Variants in SLIT3 observed in about 807,000 individuals in gnomAD.
The protein encoded by SLIT3 is slit guidance ligand 3, also known as slit homolog 3 protein.
Under a neutral mutation model 184.0 loss-of-function variants are expected in SLIT3, and 68 were observed. The observed-to-expected ratio is 0.37, with a 90% CI of 0.30 to 0.45. SLIT3 has a LOEUF of 0.45. Ranked by LOEUF, SLIT3 falls within the 20% of genes least tolerant of loss-of-function variation. The pLI is 1.00. For synonymous variants in SLIT3, 831 were observed against 828.6 expected (o/e 1.00, Z -0.05); for missense variants, 1,707 against 2,026.0 (o/e 0.84, Z 3.02).
intron 4 of SLIT3, among the ~76,000 whole-genome samples, chr5:168,988,782 C>G (rs113348765): frequency 3.3e-5 from 5 of 152,128 alleles, no homozygotes; most frequent in African/African-American, 1.2e-4. Context: ...GACCCCCCCC[C>G]AGGGGCAGGC....
chr5:169,079,076 A>T (rs1157788404), intron 4 of SLIT3, among the ~76,000 whole-genome samples: 1 of 152,210 alleles, frequency 6.6e-6, no homozygotes, highest in Non-Finnish European at 1.5e-5. Flanking sequence ...GAAAGAAGAG[A>T]AGGCGAGACA....
intron 8 of SLIT3, among the ~76,000 whole-genome samples, chr5:168,806,928 A>T (rs1756986113): frequency 6.6e-6 from 1 of 152,176 alleles, no homozygotes; most frequent in South Asian, 2.1e-4. Context: ...CTTTCCCAGG[A>T]TGCATCCTGG....
At chr5:168,873,110 C>T (rs1405153291) in intron 5 of SLIT3, among the ~76,000 whole-genome samples, 1 of 152,168 alleles carries the variant, frequency 6.6e-6, no homozygotes, top group Non-Finnish European at 1.5e-5. Flanking sequence ...AGGCATCCCT[C>T]CATGCTCACC....
rs10062128 is a variant in SLIT3, at chr5:168,937,880, A to T, written c.414-54544T>A. On this transcript the variant is annotated intron_variant, in intron 4 of 35. Coordinates refer to ENST00000519560, the MANE Select transcript of SLIT3 (RefSeq NM_003062.4). ...ACGATAGCAATTATAATCATTATGC[A>T]TTTTTTTTTTTTCCCAAAGCAAACC... Among the ~76,000 whole-genome samples the T allele has an allele frequency of 9.6e-3, 1,413 of 147,008 alleles. 25 individuals carry two copies. Among genetic ancestry groups the T allele is most frequent in the African/African-American group, 0.033 (1,340 of 40,814 alleles).
At chr5:168,775,162 T>C (rs1464150909) in intron 12 of SLIT3, among the ~76,000 whole-genome samples, 1 of 151,868 alleles carries the variant, frequency 6.6e-6, no homozygotes, top group Non-Finnish European at 1.5e-5. Context: ...CTCAGGCTCC[T>C]GAGGAGCTGG....
intron 32 of SLIT3, among the ~76,000 whole-genome samples, chr5:168,683,198 T>A (rs1208398654): frequency 1.3e-5 from 2 of 151,846 alleles, no homozygotes; most frequent in Admixed American, 1.3e-4. Flanking sequence ...AAATCCCATC[T>A]CTACTAAAAA....
chr5:168,830,228 G>T (rs552774665), intron 6 of SLIT3, among the ~76,000 whole-genome samples: 1 of 152,142 alleles, frequency 6.6e-6, no homozygotes, highest in East Asian at 1.9e-4. Flanking sequence ...GTTGAGAGGG[G>T]CATCCCCAAG....
At position 168,966,143 on chromosome 5, in the gene SLIT3, A is replaced by G. The variant is rs78875960; in HGVS notation, c.414-82807T>C. Among the ~76,000 whole-genome samples the G allele has an allele frequency of 5.5e-3, 841 of 152,328 alleles. 6 individuals are homozygous for G. Among genetic ancestry groups the G allele is most frequent in the Non-Finnish European group, 7.8e-3 (533 of 68,036 alleles). The stretch of plus-strand genomic sequence containing the variant: ...CAAGAGTTTTGTGCCAGATGTAAGA[A>G]TTAAACTCTACAGTTATCTGATTAG... On this transcript the variant is annotated intron_variant, in intron 4 of 35. Transcript: ENST00000519560.
intron 3 of SLIT3, among the ~76,000 whole-genome samples, chr5:169,229,697 G>A (rs942422938): frequency 1.2e-4 from 18 of 151,180 alleles, no homozygotes; most frequent in African/African-American, 4.4e-4. Context: ...GGGCCGTGAT[G>A]ATGATGAGGG....
chr5:168,753,097 T>A lies in SLIT3; in HGVS notation c.1831A>T (p.Met611Leu). 6.2e-7 allele frequency: 1 copy of A among 1,614,014 alleles called. No homozygotes were observed. The highest frequency in any genetic ancestry group is 8.5e-7 in the Non-Finnish European group (1 of 1,179,964). ...CAGCCGATCAAGTTACTCCTCAGCA[T>A]CCTACAGGGAGAGGGGTGGGGATGA... ...FRGLSGLKTL[M>L]LRSNLIGCVS... Residue 611 changes from methionine (M) to leucine (L), a missense_variant and splice_region_variant, in exon 18 of 36, where the codon ATG becomes TTG. Met to Leu is a conservative substitution (Grantham distance 15). Coordinates refer to ENST00000519560, the MANE Select transcript of SLIT3 (RefSeq NM_003062.4).
chr5:168,894,536 A>AT (rs1411667601), intron 4 of SLIT3, among the ~76,000 whole-genome samples: 2 of 152,172 alleles, frequency 1.3e-5, no homozygotes, highest in Admixed American at 6.5e-5. Context: ...CCCTGGTGGC[A>AT]TACCATGCTT....
At chr5:168,910,267 T>C (rs889865938) in intron 4 of SLIT3, among the ~76,000 whole-genome samples, 4 of 152,260 alleles carry the variant, frequency 2.6e-5, no homozygotes, top group African/African-American at 7.2e-5. Context: ...AGAGCAATCA[T>C]CTTTAAGACT....
At chr5:168,990,522 A>G (rs571975654) in intron 4 of SLIT3, among the ~76,000 whole-genome samples, 1 of 152,306 alleles carries the variant, frequency 6.6e-6, no homozygotes, top group African/African-American at 2.4e-5. Flanking sequence ...AAAAAATTTA[A>G]AACAATTATC....
chr5:169,095,565 T>A (rs1759746400), intron 4 of SLIT3, among the ~76,000 whole-genome samples: 1 of 152,230 alleles, frequency 6.6e-6, no homozygotes, highest in Non-Finnish European at 1.5e-5. Context: ...AGCTTTTGTG[T>A]AAGTATCCAT....
At chr5:168,749,657 T>C (rs776345065) in intron 18 of SLIT3, 22 bp from the exon 19 acceptor site, 1 of 1,613,614 alleles carries the variant, frequency 6.2e-7, no homozygotes, top group East Asian at 2.2e-5. Context: ...GAAGGGTGCT[T>C]AGCCTCCATC....
At chr5:169,095,294 G>A (rs973275900) in intron 4 of SLIT3, among the ~76,000 whole-genome samples, 1 of 152,122 alleles carries the variant, frequency 6.6e-6, no homozygotes, top group Non-Finnish European at 1.5e-5. Flanking sequence ...TGAATGCAGA[G>A]TCATCTTGCA....
chr5:169,032,200 T>C (rs984610040), intron 4 of SLIT3, among the ~76,000 whole-genome samples: 1 of 152,190 alleles, frequency 6.6e-6, no homozygotes, highest in African/African-American at 2.4e-5. Context: ...AAATACAGGA[T>C]GTCATTATCA....
intron 5 of SLIT3, among the ~76,000 whole-genome samples, chr5:168,856,804 T>C (rs73805256): frequency 0.053 from 7,280 of 138,060 alleles, 576 homozygotes; most frequent in African/African-American, 0.18. Context: ...TGTGTGTGTG[T>C]GTGCGCGCGC....
At chr5:168,717,995 A>G (rs1762800899) in intron 23 of SLIT3, 1 of 152,158 alleles carries the variant, frequency 6.6e-6, no homozygotes, top group Non-Finnish European at 1.5e-5. Context: ...GTTTGGACAG[A>G]AAAATTTTCA....
Sources: allele counts gnomAD v4.1 joint callset (sites outside exome capture counted in the v4.1 genomes callset), GRCh38; gene constraint gnomAD v4.1.1; transcripts MANE v1.5; gene names NCBI Gene and HGNC (gene_info 2026-07-23, HGNC 2026-07-21).